MAP4K4: variants seen among roughly 807,000 people sequenced by gnomAD.
MAP4K4 encodes the protein mitogen-activated protein kinase kinase kinase kinase 4, also known as HPK/GCK-like kinase HGK.
Under a neutral mutation model 189.6 loss-of-function variants are expected in MAP4K4, and 38 were observed. That is an observed-to-expected ratio of 0.20 (90% CI 0.15 to 0.26). The LOEUF is 0.26. MAP4K4 is among the 10% of genes least tolerant of loss of function. The probability of loss-of-function intolerance (pLI) is 1.00; values close to 1 mark genes in which losing one functional copy is unlikely to be tolerated. For missense variants in MAP4K4, 1,054 were observed against 1,726.9 expected (o/e 0.61, Z 6.91); for synonymous variants, 610 against 624.3 (o/e 0.98, Z 0.34).
chr2:101,779,077 G>A (rs577205983), intron 2 of MAP4K4, among the ~76,000 whole-genome samples: 1 of 152,236 alleles, frequency 6.6e-6, no homozygotes, highest in South Asian at 2.1e-4. Context: ...ACACTTCTGT[G>A]TGCCAGGCAC....
chr2:101,701,466 ATCT>A (rs758346443), intron 2 of MAP4K4, among the ~76,000 whole-genome samples: 9 of 152,112 alleles, frequency 5.9e-5, no homozygotes, highest in Non-Finnish European at 8.8e-5. Flanking sequence ...GAGGAGAGAC[ATCT>A]TCTTTAAGCA....
intron 2 of MAP4K4, among the ~76,000 whole-genome samples, chr2:101,740,654 G>A (rs2062324408): frequency 6.6e-6 from 1 of 152,142 alleles, no homozygotes; most frequent in Non-Finnish European, 1.5e-5. Context: ...TTGCTGAGAA[G>A]ACAGAAAGCA....
intron 2 of MAP4K4, among the ~76,000 whole-genome samples, chr2:101,737,778 T>C (rs1184134246): frequency 6.6e-6 from 1 of 152,068 alleles, no homozygotes; most frequent in Non-Finnish European, 1.5e-5. Context: ...TTACTCATTA[T>C]CATTCAGGGT....
At chr2:101,713,499 G>A (rs1489155831) in intron 2 of MAP4K4, among the ~76,000 whole-genome samples, 1 of 151,906 alleles carries the variant, frequency 6.6e-6, no homozygotes, top group Admixed American at 6.6e-5. Context: ...GGGAGGCTGA[G>A]GCATGAGAAT....
chr2:101,716,560 A>G (rs905132808), intron 2 of MAP4K4, among the ~76,000 whole-genome samples: 2 of 152,040 alleles, frequency 1.3e-5, no homozygotes, highest in East Asian at 1.9e-4. Context: ...TAAAGAAGGC[A>G]GTAAACCCAT....
At chr2:101,817,689 A>G (rs945922473) in intron 3 of MAP4K4, among the ~76,000 whole-genome samples, 5 of 152,162 alleles carry the variant, frequency 3.3e-5, no homozygotes, top group Admixed American at 3.3e-4. Context: ...TTCCATGGAG[A>G]AGAGGGCGGG....
chr2:101,873,956 A>G (rs1300055004), intron 25 of MAP4K4, 126 bp from the exon 26 acceptor site: 1 of 878,898 alleles, frequency 1.1e-6, no homozygotes, highest in Non-Finnish European at 1.7e-6. Context: ...CATTGCTTAC[A>G]GATTTCTTCT....
intron 2 of MAP4K4, among the ~76,000 whole-genome samples, chr2:101,726,553 A>C (rs928571376): frequency 2.6e-5 from 4 of 152,124 alleles, no homozygotes; most frequent in Admixed American, 1.3e-4. Context: ...ATGGTTAGTA[A>C]GTGGCCCTCA....
At chr2:101,876,883 T>A in intron 26 of MAP4K4, 120 bp from the exon 27 acceptor site, 1 of 948,116 alleles carries the variant, frequency 1.1e-6, no homozygotes, top group Middle Eastern at 2.2e-4. Flanking sequence ...GGATTTCTGC[T>A]TCTGGGTGAA....
exon 30 of MAP4K4, chr2:101,887,192 T>A: frequency 6.2e-7 from 1 of 1,613,332 alleles, no homozygotes. Flanking sequence ...TCCATGCTGT[T>A]GATGTGGATT....
rs537784546 is a variant in MAP4K4 at position 101,841,684 on chromosome 2, G to A, written c.950-925G>A. ...GGCTTTCACCATGTTGGTCAGGCTG[G>A]TCTTGAACCCCTGATCTCGTGATCT... is the stretch of plus-strand genomic sequence containing the variant. On this transcript the variant is annotated intron_variant, in intron 10 of 32. Transcript: ENST00000324219. Among the ~76,000 whole-genome samples, 8 of 152,162 alleles carry A rather than the reference G, an allele frequency of 5.3e-5. No individual in the cohort carries two copies. In the East Asian group the frequency reaches 1.5e-3, roughly 29 times the overall value.
intron 3 of MAP4K4, among the ~76,000 whole-genome samples, chr2:101,808,897 A>C (rs1384278667): frequency 6.6e-6 from 1 of 152,056 alleles, no homozygotes. Context: ...TGGAAAGTGG[A>C]AAAATATTTT....
At chr2:101,771,734 C>T (rs921067862) in intron 2 of MAP4K4, among the ~76,000 whole-genome samples, 2 of 152,200 alleles carry the variant, frequency 1.3e-5, no homozygotes, top group Non-Finnish European at 2.9e-5. Flanking sequence ...CTTTGCTGTT[C>T]CCTCATTTAC....
chr2:101,886,974 G>T, intron 29 of MAP4K4, 114 bp from the exon 30 acceptor site: 1 of 710,758 alleles, frequency 1.4e-6, no homozygotes, highest in East Asian at 3.2e-5. Flanking sequence ...GCAGTGAGCC[G>T]AGATGGCGCC....
At chr2:101,873,703 T>A in exon 25 of MAP4K4, 2 of 1,613,010 alleles carry the variant, frequency 1.2e-6, no homozygotes, top group Non-Finnish European at 1.7e-6. Flanking sequence ...CCTTTACACC[T>A]TTTATAGACC....
Position 101,867,209 on chromosome 2 carries a change from C to T in MAP4K4, c.2357-3C>T. 1.3e-6 allele frequency: 2 copies of T among 1,588,940 alleles called. No homozygotes were observed. Among genetic ancestry groups the T allele is most frequent in the Middle Eastern group, 1.7e-4 (1 of 6,014 alleles). ...TCCATCTTGTCCCTTTTGAACCCAA[C>T]AGCATCATCCAAGTCTGAAGGCTCT... On this transcript the variant is annotated splice_polypyrimidine_tract_variant and splice_region_variant and intron_variant, in intron 19 of 32. Transcript: ENST00000324219.
intron 2 of MAP4K4, among the ~76,000 whole-genome samples, chr2:101,764,866 A>G (rs2077937656): frequency 6.6e-6 from 1 of 152,146 alleles, no homozygotes; most frequent in African/African-American, 2.4e-5. Context: ...AGATGCTTTT[A>G]AGTGAAATAA....
At chr2:101,715,441 A>G (rs532461854) in intron 2 of MAP4K4, among the ~76,000 whole-genome samples, 41 of 152,362 alleles carry the variant, frequency 2.7e-4, no homozygotes, top group African/African-American at 9.9e-4. Context: ...AAGACACAGA[A>G]AATAACTTTA....
At chr2:101,844,396 C>T (rs1268419226) in intron 12 of MAP4K4, 85 bp downstream of exon 12, 47 of 1,068,144 alleles carry the variant, frequency 4.4e-5, no homozygotes, top group Non-Finnish European at 6.0e-5. Context: ...GGAATATCCT[C>T]TGTAGCTTCC....
Sources: allele counts gnomAD v4.1 joint callset (sites outside exome capture counted in the v4.1 genomes callset), GRCh38; gene constraint gnomAD v4.1.1; transcripts MANE v1.5; gene names NCBI Gene and HGNC (gene_info 2026-07-23, HGNC 2026-07-21).